QTMAN: variants seen among roughly 807,000 people sequenced by gnomAD.
QTMAN encodes queuosine-tRNA mannosyltransferase.
the QTMAN span, among the ~76,000 whole-genome samples, chr2:144,327,896 A>G: frequency 6.6e-6 from 1 of 152,172 alleles, no homozygotes; most frequent in Non-Finnish European, 1.5e-5. Flanking sequence ...CATAAATTCT[A>G]TGGACTATTT....
chr2:143,950,251 T>G, the QTMAN span, among the ~76,000 whole-genome samples: 1 of 151,762 alleles, frequency 6.6e-6, no homozygotes, highest in Non-Finnish European at 1.5e-5. Flanking sequence ...ATTTAAGATA[T>G]AGGTTATCAT....
chr2:144,017,248 C>T, the QTMAN span, among the ~76,000 whole-genome samples: 1 of 152,068 alleles, frequency 6.6e-6, no homozygotes, highest in Non-Finnish European at 1.5e-5. Context: ...TGTGATCCAC[C>T]CACCTCGGCC....
chr2:144,192,465 GAGGTCCAATGAGC>G, the QTMAN span, among the ~76,000 whole-genome samples: 1 of 152,064 alleles, frequency 6.6e-6, no homozygotes. Flanking sequence ...AAAAAGTAGG[GAGGTCCAATGAGC>G]AGGTTAGGTA....
At chr2:143,965,333 G>A in the QTMAN span, among the ~76,000 whole-genome samples, 1 of 152,270 alleles carries the variant, frequency 6.6e-6, no homozygotes, top group South Asian at 2.1e-4. Context: ...GCAAGTCCAT[G>A]AGTCCTATAA....
chr2:144,256,431 C>A, the QTMAN span, among the ~76,000 whole-genome samples: 1 of 152,122 alleles, frequency 6.6e-6, no homozygotes, highest in East Asian at 1.9e-4. Flanking sequence ...TTCATTCAAT[C>A]TCTTGATATT....
chr2:144,066,914 T>C, the QTMAN span, among the ~76,000 whole-genome samples: 1 of 152,242 alleles, frequency 6.6e-6, no homozygotes, highest in Non-Finnish European at 1.5e-5. Context: ...GTCTTCTCTA[T>C]CCTTCAAGTT....
chr2:144,194,663 T>C, the QTMAN span, among the ~76,000 whole-genome samples: 2 of 152,186 alleles, frequency 1.3e-5, no homozygotes, highest in African/African-American at 2.4e-5. Context: ...TAACAATCAA[T>C]GTCTATGAAA....
At chr2:144,155,440 A>G in the QTMAN span, among the ~76,000 whole-genome samples, 1 of 152,220 alleles carries the variant, frequency 6.6e-6, no homozygotes, top group African/African-American at 2.4e-5. Context: ...TATAATTAGT[A>G]TGTGAAATAT....
At chr2:144,080,102 A>G in the QTMAN span, among the ~76,000 whole-genome samples, 1 of 152,060 alleles carries the variant, frequency 6.6e-6, no homozygotes, top group African/African-American at 2.4e-5. Flanking sequence ...GTAATACACA[A>G]TTTTAGATGT....
the QTMAN span, among the ~76,000 whole-genome samples, chr2:144,076,412 T>C: frequency 6.6e-6 from 1 of 152,128 alleles, no homozygotes; most frequent in African/African-American, 2.4e-5. Flanking sequence ...AATGGGTCAC[T>C]TAGAAATAAA....
At chr2:144,181,394 C>A in the QTMAN span, among the ~76,000 whole-genome samples, 1 of 152,028 alleles carries the variant, frequency 6.6e-6, no homozygotes, top group Non-Finnish European at 1.5e-5. Flanking sequence ...AACTAAGTAA[C>A]CAAGAAAAAT....
the QTMAN span, chr2:144,011,641 A>C: frequency 1.4e-3 from 214 of 152,408 alleles, no homozygotes; most frequent in African/African-American, 6.1e-3. Context: ...CTATGCTAGT[A>C]AAAAAAAAAA....
At chr2:143,962,683 G>A in the QTMAN span, among the ~76,000 whole-genome samples, 1 of 152,136 alleles carries the variant, frequency 6.6e-6, no homozygotes, top group African/African-American at 2.4e-5. Context: ...AGAATCAGAA[G>A]GAGGCATGGG....
the QTMAN span, among the ~76,000 whole-genome samples, chr2:143,989,668 C>T: frequency 6.6e-6 from 1 of 152,118 alleles, no homozygotes; most frequent in Admixed American, 6.5e-5. Context: ...TGCATATATA[C>T]ATATATATAC....
At chr2:144,157,521 G>T in the QTMAN span, among the ~76,000 whole-genome samples, 4 of 151,986 alleles carry the variant, frequency 2.6e-5, no homozygotes, top group South Asian at 2.1e-4. Context: ...TGCCATAAGC[G>T]AAGTGAGAAG....
chr2:144,244,221 G>A, the QTMAN span, among the ~76,000 whole-genome samples: 1 of 152,148 alleles, frequency 6.6e-6, no homozygotes, highest in African/African-American at 2.4e-5. Flanking sequence ...CCAACAGTGC[G>A]GAGCTCATGA....
At chr2:144,149,116 G>A in the QTMAN span, among the ~76,000 whole-genome samples, 1 of 151,818 alleles carries the variant, frequency 6.6e-6, no homozygotes, top group African/African-American at 2.4e-5. Context: ...ATAATACAAT[G>A]AATGACATCA....
the QTMAN span, among the ~76,000 whole-genome samples, chr2:144,049,091 AGTT>A: frequency 6.6e-6 from 1 of 152,150 alleles, no homozygotes; most frequent in African/African-American, 2.4e-5. Flanking sequence ...TTAGATTGAC[AGTT>A]GTTGGGTTTT....
chr2:144,271,179 G>A, the QTMAN span, among the ~76,000 whole-genome samples: 1 of 152,116 alleles, frequency 6.6e-6, no homozygotes, highest in Non-Finnish European at 1.5e-5. Context: ...ATTTCTTTAT[G>A]TTTTTAAGCA....
Sources: allele counts gnomAD v4.1 joint callset (sites outside exome capture counted in the v4.1 genomes callset), GRCh38; gene constraint gnomAD v4.1.1; transcripts MANE v1.5; gene names NCBI Gene and HGNC (gene_info 2026-07-23, HGNC 2026-07-21).